Variants in ZNF3 observed in about 807,000 individuals in gnomAD.
ZNF3 encodes the protein C2-H2 type zinc finger protein.
ZNF3 carries 16 observed loss-of-function variants against 36.9 expected under a neutral mutation model. That is an observed-to-expected ratio of 0.43 (90% CI 0.29 to 0.66). ZNF3 has a LOEUF of 0.66. ZNF3 is among the 30% of genes least tolerant of loss of function. ZNF3 has a pLI of 0.13. For synonymous variants in ZNF3, 201 were observed against 201.9 expected (o/e 1.00, Z 0.04); for missense variants, 462 against 543.1 (o/e 0.85, Z 1.48).
downstream of ZNF3, among the ~76,000 whole-genome samples, chr7:100,068,533 C>G (rs1477696623): frequency 6.6e-6 from 1 of 151,068 alleles, no homozygotes; most frequent in South Asian, 2.1e-4. Flanking sequence ...GTTAGCTGGG[C>G]GTGGTGGTGG....
chr7:100,065,879 G>A (rs1562853776), downstream of ZNF3, among the ~76,000 whole-genome samples: 2 of 147,522 alleles, frequency 1.4e-5, no homozygotes, highest in Non-Finnish European at 3.0e-5. Context: ...CAGCTGACCT[G>A]TGTCTGGAGG....
downstream of ZNF3, among the ~76,000 whole-genome samples, chr7:100,066,029 C>T (rs551673144): frequency 4.6e-5 from 7 of 151,436 alleles, no homozygotes; most frequent in African/African-American, 1.7e-4. Context: ...GCATAATACT[C>T]GTGGTACAGT....
chr7:100,079,115 T>G (rs1794602873), intron 2 of ZNF3: 3 of 152,252 alleles, frequency 2.0e-5, no homozygotes, highest in Admixed American at 1.3e-4. Context: ...CTTGCCACCA[T>G]CGCCCTCCTA....
downstream of ZNF3, among the ~76,000 whole-genome samples, chr7:100,066,753 G>C (rs984394453): frequency 5.9e-5 from 9 of 151,620 alleles, no homozygotes; most frequent in African/African-American, 2.2e-4. Context: ...TAAATAAATA[G>C]GCCGGGTGTG....
chr7:100,070,174 T>TC lies in ZNF3; in HGVS notation c.*968_*969insG. 1.0e-6 allele frequency: 1 copy of TC among 985,016 alleles called. No homozygotes were observed. The highest frequency in any genetic ancestry group is 4.7e-5 in the South Asian group (1 of 21,266). The allele number at this position is 985,016 out of a possible 1,614,324, so 61.0% of individuals were successfully genotyped here. A position where few individuals can be genotyped will look rare whatever the true frequency, so the allele number is the denominator to read the frequency against. On this transcript the variant is annotated 3_prime_UTR_variant, in exon 6 of 6. Transcript: ENST00000299667. ...CGTTTTTTTGTTTTTTTGTTTTTTT[T>TC]TTCTCCCTTTTGGGCTTTGCTCTTT...
chr7:100,072,064 C>T lies in ZNF3; in HGVS notation c.420G>A (p.Leu140=). ...TCAGTCTTTCTCCAGGGGAGTTCCC[C>T]AGCGGCCTTTTCAGACTGACTTCTC... is the stretch of plus-strand genomic sequence containing the variant. ...YEREVSLKRP[L]GNSPGERLNR... is the part of the protein sequence containing the mutation. Residue 140 remains leucine (L), a synonymous_variant, in exon 6 of 6, where the codon CTG becomes CTA. Coordinates refer to ENST00000299667, the MANE Select transcript of ZNF3 (RefSeq NM_032924.5). 2 of 1,614,216 alleles carry T rather than the reference C, an allele frequency of 1.2e-6. No homozygotes were observed. The highest frequency in any genetic ancestry group is 1.7e-6 in the Non-Finnish European group (2 of 1,180,050).
chr7:100,065,596 T>C (rs1792610328), downstream of ZNF3, among the ~76,000 whole-genome samples: 1 of 151,764 alleles, frequency 6.6e-6, no homozygotes, highest in South Asian at 2.1e-4. Context: ...AGAGTGTCTT[T>C]TGCGTCTTTG....
chr7:100,064,155 C>T (rs761082601), exon 6 of ZNF3: 1 of 1,614,204 alleles, frequency 6.2e-7, no homozygotes. Flanking sequence ...GCTCAAACCT[C>T]ACCCTCCACT....
chr7:100,077,433 A>G lies in ZNF3; in HGVS notation c.-76T>C, dbSNP rs568713340. ...GGGTTTTAAAAGAGAATGAGGAAGC[A>G]CTGCAGAAGCAAAAGTTCAAGGTTC... On this transcript the variant is annotated splice_region_variant and 5_prime_UTR_variant, in exon 3 of 6. Coordinates refer to ENST00000299667, the MANE Select transcript of ZNF3 (RefSeq NM_032924.5). The G allele has an allele frequency of 2.8e-5, 45 of 1,609,680 alleles. No individual in the cohort carries two copies. In the African/African-American group the frequency reaches 5.7e-4, roughly 21 times the overall value.
In ZNF3 at chr7:100,075,172, A is replaced by G; in HGVS notation, c.234T>C (p.Asp78=). 1.9e-6 allele frequency: 3 copies of G among 1,613,320 alleles called. No homozygotes were observed. Among genetic ancestry groups the G allele is most frequent in the Non-Finnish European group, 2.5e-6 (3 of 1,179,348 alleles). The change falls in exon 5 of 6, where the codon GAT becomes GAC. Residue 78 remains aspartate (D), a synonymous_variant. Coordinates refer to ENST00000299667, the MANE Select transcript of ZNF3 (RefSeq NM_032924.5). ...LEPAQRDLYR[D]VMLENYGNVF... The stretch of plus-strand genomic sequence containing the variant: ...CATTCCCGTAATTCTCCAGCATCAC[A>G]TCTCTATAGAGGTCCCTCTGAGCAG...
chr7:100,063,911 G>C, downstream of ZNF3: 2 of 1,614,164 alleles, frequency 1.2e-6, no homozygotes, highest in South Asian at 1.1e-5. Flanking sequence ...AGCTTAGAGA[G>C]GCAGTGCGTA....
intron 1 of ZNF3, among the ~76,000 whole-genome samples, chr7:100,080,265 G>A (rs1446405770): frequency 6.6e-6 from 1 of 152,172 alleles, no homozygotes; most frequent in African/African-American, 2.4e-5. Flanking sequence ...GCCATTAGAA[G>A]TCTTCAGGTG....
rs1794296706 is a variant in ZNF3, at chr7:100,077,388, G to A, written c.-31C>T. The A allele has an allele frequency of 1.2e-6, 2 of 1,613,430 alleles. No individual in the cohort carries two copies. The highest frequency in any genetic ancestry group is 1.3e-5 in the African/African-American group (1 of 74,894). On this transcript the variant is annotated 5_prime_UTR_variant, in exon 3 of 6. Coordinates refer to ENST00000299667, the MANE Select transcript of ZNF3 (RefSeq NM_032924.5). Reference sequence around the variant, plus strand: ...GGCAAGGTGCTCTCTGGTCTCCTGGGTGCAGACTCAGCGGGAAGCGGGTTT... The same window carrying A: ...GGCAAGGTGCTCTCTGGTCTCCTGGATGCAGACTCAGCGGGAAGCGGGTTT...
intron 5 of ZNF3, among the ~76,000 whole-genome samples, chr7:100,073,759 G>A (rs1303030310): frequency 6.6e-6 from 1 of 152,180 alleles, no homozygotes; most frequent in Non-Finnish European, 1.5e-5. Context: ...CAGAGAAGGA[G>A]AGGACAGAGA....
downstream of ZNF3, among the ~76,000 whole-genome samples, chr7:100,067,457 CAG>C (rs998941800): frequency 1.9e-4 from 29 of 152,248 alleles, no homozygotes; most frequent in East Asian, 3.9e-4. Flanking sequence ...TTCAGAGAGA[CAG>C]GGGTCTCATT....
Position 100,070,407 on chromosome 7 carries a change from A to G in ZNF3, c.*736T>C. The G allele has an allele frequency of 1.0e-6, 1 of 985,442 alleles. No homozygotes were observed. Among genetic ancestry groups the G allele is most frequent in the Non-Finnish European group, 1.2e-6 (1 of 829,962 alleles). 61.0% of individuals were successfully genotyped at this position (985,442 alleles called of 1,614,324 possible). A position where few individuals can be genotyped will look rare whatever the true frequency, so the allele number is the denominator to read the frequency against. On this transcript the variant is annotated 3_prime_UTR_variant, in exon 6 of 6. Coordinates refer to ENST00000299667, the MANE Select transcript of ZNF3 (RefSeq NM_032924.5). ...AGGACAGCAATCAGAGGCCAACGCTAAGTGCTTCTGACCCTCTCCCTCACA... is the reference window on the plus strand; with the variant it reads ...AGGACAGCAATCAGAGGCCAACGCTGAGTGCTTCTGACCCTCTCCCTCACA...
At chr7:100,074,531 C>CA (rs1793750741) in intron 5 of ZNF3, among the ~76,000 whole-genome samples, 1 of 152,168 alleles carries the variant, frequency 6.6e-6, no homozygotes, top group Non-Finnish European at 1.5e-5. Flanking sequence ...CTCAGCTTCT[C>CA]AGAGTGTTGG....
intron 5 of ZNF3, among the ~76,000 whole-genome samples, chr7:100,073,782 G>A (rs1209085323): frequency 6.6e-6 from 1 of 152,136 alleles, no homozygotes; most frequent in Non-Finnish European, 1.5e-5. Context: ...TGGGCAAAGA[G>A]CAGCACCTCA....
At position 100,072,112 on chromosome 7, in the gene ZNF3, G is replaced by C. The variant is rs1793270446; in HGVS notation, c.372C>G (p.Leu124=). 6.2e-7 allele frequency: 1 copy of C among 1,614,068 alleles called. No homozygotes were observed. Reference sequence around the variant, plus strand: ...CTCGTTCATAGGCTTCTTTAAACTTGAGACCCTGAGAAATATCCTTTTGAA... The same window carrying C: ...CTCGTTCATAGGCTTCTTTAAACTTCAGACCCTGAGAAATATCCTTTTGAA... ...GRFQKDISQG[L]KFKEAYEREV... Residue 124 remains leucine, a synonymous_variant, in exon 6 of 6, where the codon CTC becomes CTG. Transcript: ENST00000299667.
Sources: allele counts gnomAD v4.1 joint callset (sites outside exome capture counted in the v4.1 genomes callset), GRCh38; gene constraint gnomAD v4.1.1; transcripts MANE v1.5; gene names NCBI Gene and HGNC (gene_info 2026-07-23, HGNC 2026-07-21).